WAPL: variants seen among roughly 807,000 people sequenced by gnomAD.
WAPL encodes wings apart-like protein homolog.
Under a neutral mutation model 121.0 loss-of-function variants are expected in WAPL, and 5 were observed. That is an observed-to-expected ratio of 0.04 (90% CI 0.02 to 0.09). The LOEUF is 0.09. Ranked by LOEUF, WAPL falls within the 10% of genes least tolerant of loss-of-function variation. The probability of loss-of-function intolerance (pLI) is 1.00; values close to 1 mark genes in which losing one functional copy is unlikely to be tolerated. For synonymous variants in WAPL, 480 were observed against 481.5 expected (o/e 1.00, Z 0.04); for missense variants, 999 against 1,410.8 (o/e 0.71, Z 4.68).
chr10:86,491,136 CTTTTTTTTTTT>C (rs34863367), intron 4 of WAPL, among the ~76,000 whole-genome samples: 9 of 102,788 alleles, frequency 8.8e-5, no homozygotes, highest in Non-Finnish European at 1.7e-4. Context: ...ACTCATGGTT[CTTTTTTTTTTT>C]TTTTTTTTTT....
At chr10:86,443,555 C>A in intron 16 of WAPL, 192 bp from the exon 17 acceptor site, 1 of 490,224 alleles carries the variant, frequency 2.0e-6, no homozygotes, top group Non-Finnish European at 3.6e-6. Flanking sequence ...AAGCTGAAAC[C>A]ATAAAACTTT....
At chr10:86,495,476 G>A (rs1842131767) in intron 4 of WAPL, among the ~76,000 whole-genome samples, 1 of 151,822 alleles carries the variant, frequency 6.6e-6, no homozygotes, top group African/African-American at 2.4e-5. Context: ...AAAAAAAGAG[G>A]AGGAGGAATA....
rs983641613 is a variant in WAPL at position 86,471,012 on chromosome 10, C to T, written c.2122G>A (p.Asp708Asn). 4.3e-6 allele frequency: 7 copies of T among 1,613,574 alleles called. No individual in the cohort carries two copies. The African/African-American group carries it at 6.7e-5, about 15-fold the overall frequency. The change falls in exon 8 of 19, where the codon GAT becomes AAT. Residue 708 changes from aspartate (D) to asparagine (N), a missense_variant. This residue lies in a region of WAPL where 118 missense variants were observed against 318.3 expected (regional missense o/e 0.37). Transcript: ENST00000298767. ...GMVAMVFKTL[D>N]DSQHHQNLSL... ...AATACCTGATGGTGCTGGGAATCAT[C>T]CAAGGTTTTAAAGACCATTGCTACC...
intron 9 of WAPL, among the ~76,000 whole-genome samples, chr10:86,462,804 TG>T (rs1225063497): frequency 6.6e-6 from 1 of 151,644 alleles, no homozygotes; most frequent in East Asian, 1.9e-4. Flanking sequence ...CAGATACAAT[TG>T]TGCCCATTTT....
At chr10:86,480,936 T>C (rs560636457) in intron 4 of WAPL, among the ~76,000 whole-genome samples, 3 of 152,274 alleles carry the variant, frequency 2.0e-5, no homozygotes, top group African/African-American at 7.2e-5. Context: ...AATTTGAAAA[T>C]TGTCCAGAGA....
rs1378769703 is a variant in WAPL at position 86,521,588 on chromosome 10, C to T, written c.-246G>A. The stretch of plus-strand genomic sequence containing the variant: ...CGCCTCGAGCGCCGCCGGCCGGGCC[C>T]AGGCCTAGCTCTCGCTGGCCGCCAC... On this transcript the variant is annotated 5_prime_UTR_variant, in exon 1 of 19. Coordinates refer to ENST00000298767, the MANE Select transcript of WAPL (RefSeq NM_015045.5). 2 of 442,396 alleles carry T rather than the reference C, an allele frequency of 4.5e-6. No homozygotes were observed. The highest frequency in any genetic ancestry group is 4.3e-5 in the African/African-American group (2 of 46,656). The allele number at this position is 442,396 out of a possible 1,614,324, so 27.4% of individuals were successfully genotyped here.
rs1007338901 is a variant in WAPL at position 86,505,842 on chromosome 10, T to C, written c.500-5099A>G. 1.0e-3 allele frequency among the ~76,000 whole-genome samples: 155 copies of C among 152,308 alleles called. 1 individual carries two copies. The highest frequency in any genetic ancestry group is 2.2e-3 in the Non-Finnish European group (150 of 68,022). ...TGAAGAGCATGTTCTTGTATTTTTT[T>C]AAACATACGAAAGTGAACAGTTTCT... is the stretch of plus-strand genomic sequence containing the variant. On this transcript the variant is annotated intron_variant, in intron 2 of 18. Transcript: ENST00000298767.
At position 86,444,892 on chromosome 10, in the gene WAPL, C is replaced by CAAAAAA. The variant is rs35307250; in HGVS notation, c.3322+1344_3322+1349dup. Among the ~76,000 whole-genome samples, 55 of 68,156 alleles carry CAAAAAA rather than the reference C, an allele frequency of 8.1e-4. 3 individuals are homozygous for CAAAAAA. The highest frequency in any genetic ancestry group is 2.7e-3 in the East Asian group (8 of 2,912). The allele number at this position is 68,156 out of a possible 152,430, so 44.7% of individuals were successfully genotyped here. On this transcript the variant is annotated intron_variant, in intron 16 of 18. Coordinates refer to ENST00000298767, the MANE Select transcript of WAPL (RefSeq NM_015045.5). ...TAAAAAACCAAAAATGTTATTACGC[C>CAAAAAA]AAAAAAAAAAAAAAAAAAAAGAAAT...
At chr10:86,441,828 C>T (rs1849478682) in intron 17 of WAPL, among the ~76,000 whole-genome samples, 4 of 152,064 alleles carry the variant, frequency 2.6e-5, no homozygotes. Flanking sequence ...ATGGTGAAAC[C>T]CTGTCTCTAC....
In WAPL at chr10:86,436,310, A is replaced by G. The variant is rs972190275; in HGVS notation, c.*1233T>C. 2 of 152,678 alleles carry G rather than the reference A, an allele frequency of 1.3e-5. No homozygotes were observed. The highest frequency in any genetic ancestry group is 4.8e-5 in the African/African-American group (2 of 41,476). 9.5% of individuals were successfully genotyped at this position (152,678 alleles called of 1,614,324 possible). A position where few individuals can be genotyped will look rare whatever the true frequency, so the allele number is the denominator to read the frequency against. On this transcript the variant is annotated 3_prime_UTR_variant, in exon 19 of 19. Transcript: ENST00000298767. ...CAAATCCAATGAAGAAACATGATGT[A>G]ACTACCTGAAAGGTATTTAAAAGTA...
chr10:86,483,333 T>C (rs1386089929), intron 4 of WAPL, among the ~76,000 whole-genome samples: 1 of 151,844 alleles, frequency 6.6e-6, no homozygotes, highest in South Asian at 2.1e-4. Flanking sequence ...GGCAGGAGAA[T>C]TGCTTGAACC....
chr10:86,478,883 T>C (rs899307263), intron 4 of WAPL, among the ~76,000 whole-genome samples: 4 of 151,814 alleles, frequency 2.6e-5, no homozygotes, highest in African/African-American at 9.7e-5. Context: ...CCACTTGAGG[T>C]CAGGAGTTTG....
intron 12 of WAPL, among the ~76,000 whole-genome samples, chr10:86,454,434 G>T (rs1002664675): frequency 3.3e-5 from 5 of 152,122 alleles, no homozygotes; most frequent in Admixed American, 3.3e-4. Context: ...CCAAGCCGAG[G>T]CTGGACTGTA....
chr10:86,460,714 C>T (rs1251722383), intron 10 of WAPL, among the ~76,000 whole-genome samples: 1 of 151,546 alleles, frequency 6.6e-6, no homozygotes, highest in Non-Finnish European at 1.5e-5. Context: ...TGTTAATGGC[C>T]TCTTCTTTTT....
intron 2 of WAPL, among the ~76,000 whole-genome samples, chr10:86,506,550 G>C (rs1842352769): frequency 6.6e-6 from 1 of 152,194 alleles, no homozygotes; most frequent in South Asian, 2.1e-4. Flanking sequence ...AGGGGCGGCA[G>C]GCCAAAGCAG....
intron 1 of WAPL, among the ~76,000 whole-genome samples, chr10:86,518,915 G>C (rs1842613474): frequency 6.6e-6 from 1 of 152,100 alleles, no homozygotes; most frequent in South Asian, 2.1e-4. Flanking sequence ...ATGTTCCTTA[G>C]ATGGTCATCT....
At chr10:86,442,309 G>A (rs546531810) in intron 17 of WAPL, among the ~76,000 whole-genome samples, 2 of 152,294 alleles carry the variant, frequency 1.3e-5, no homozygotes, top group East Asian at 3.9e-4. Flanking sequence ...TGAGATTACA[G>A]GCATGAGCCA....
chr10:86,485,098 C>A (rs1329231559), intron 4 of WAPL, among the ~76,000 whole-genome samples: 2 of 150,150 alleles, frequency 1.3e-5, no homozygotes, highest in South Asian at 2.1e-4. Context: ...CCCCTACCCC[C>A]CTCCTTCCCA....
intron 2 of WAPL, among the ~76,000 whole-genome samples, chr10:86,514,837 T>C (rs1842525197): frequency 6.6e-6 from 1 of 152,242 alleles, no homozygotes; most frequent in South Asian, 2.1e-4. Context: ...CTGCCAATGA[T>C]GCCCCATTCC....
Sources: allele counts gnomAD v4.1 joint callset (sites outside exome capture counted in the v4.1 genomes callset), GRCh38; gene constraint gnomAD v4.1.1; regional missense constraint gnomAD v4.1.1; transcripts MANE v1.5; gene names NCBI Gene and HGNC (gene_info 2026-07-23, HGNC 2026-07-21).